The following PLXNA4 variants were observed in gnomAD, a reference collection of about 807,000 sequenced individuals.
The protein encoded by PLXNA4 is plexin-A4.
In PLXNA4, 44 loss-of-function variants were observed where a neutral mutation model predicts 191.8. That is an observed-to-expected ratio of 0.23 (90% CI 0.18 to 0.29). The LOEUF (loss-of-function observed/expected upper bound fraction) is 0.29, where lower values mean the gene tolerates loss of function less well. Among genes scored for constraint, PLXNA4 ranks in the 10% least tolerant of loss-of-function variants. The pLI is 1.00. For synonymous variants in PLXNA4, 1,082 were observed against 1,009.5 expected, an observed-to-expected ratio of 1.07 and a Z score of -1.36; for missense variants, 1,800 against 2,488.8, an observed-to-expected ratio of 0.72 and a Z score of 5.89.
Position 132,352,313 on chromosome 7 carries a change from G to A in PLXNA4, c.1372-54091C>T, listed in dbSNP as rs1052636472. ...GCCCATCCCTGACTGGCCAGCTTCC[G>A]GTACTCGGTGGCTGTAGGAGGTGCA... On this transcript the variant is annotated intron_variant, in intron 3 of 31. Coordinates refer to ENST00000321063, the MANE Select transcript of PLXNA4 (RefSeq NM_020911.2). 9 of 152,404 alleles carry A rather than the reference G, an allele frequency of 5.9e-5. No individual in the cohort carries two copies. The South Asian group carries it at 6.2e-4, about 11-fold the overall frequency. The allele number at this position is 152,404 out of a possible 1,614,324, so 9.4% of individuals were successfully genotyped here. A position where few individuals can be genotyped will look rare whatever the true frequency, so the allele number is the denominator to read the frequency against.
chr7:132,646,994 C>A (rs1276182927), intron 1 of PLXNA4, among the ~76,000 whole-genome samples: 1 of 152,022 alleles, frequency 6.6e-6, no homozygotes, highest in South Asian at 2.1e-4. Flanking sequence ...CTATCATATA[C>A]ACACATACAC....
At chr7:132,178,054 A>G (rs924800931) in intron 20 of PLXNA4, among the ~76,000 whole-genome samples, 2 of 152,148 alleles carry the variant, frequency 1.3e-5, no homozygotes, top group Middle Eastern at 3.2e-3. Flanking sequence ...TCTGACTCCT[A>G]AATTTCCTTC....
At chr7:132,362,212 A>G (rs534988675) in intron 3 of PLXNA4, among the ~76,000 whole-genome samples, 1 of 152,310 alleles carries the variant, frequency 6.6e-6, no homozygotes, top group Non-Finnish European at 1.5e-5. Context: ...CCTCCAGTTC[A>G]TACTTCCGTC....
intron 1 of PLXNA4, among the ~76,000 whole-genome samples, chr7:132,534,565 G>T (rs56031339): frequency 0.51 from 76,873 of 151,906 alleles, 19,888 homozygotes; most frequent in Non-Finnish European, 0.53. Context: ...GCGGAATGGG[G>T]TGAGGAGGCA....
chr7:132,410,061 T>C (rs1794387403), intron 3 of PLXNA4, among the ~76,000 whole-genome samples: 1 of 152,202 alleles, frequency 6.6e-6, no homozygotes, highest in South Asian at 2.1e-4. Context: ...ATAACCACGA[T>C]GGCTGAAATG....
intron 3 of PLXNA4, among the ~76,000 whole-genome samples, chr7:132,388,351 A>G (rs993469797): frequency 1.3e-5 from 2 of 152,060 alleles, no homozygotes; most frequent in African/African-American, 4.8e-5. Flanking sequence ...GAGGACCCCC[A>G]ATGTTAAGTA....
At chr7:132,230,330 C>T (rs942781709) in intron 5 of PLXNA4, among the ~76,000 whole-genome samples, 3 of 152,208 alleles carry the variant, frequency 2.0e-5, no homozygotes, top group African/African-American at 4.8e-5. Context: ...TGGTTCTTCT[C>T]GCCATCCTGA....
chr7:132,518,401 C>T (rs1192560895), intron 1 of PLXNA4, among the ~76,000 whole-genome samples: 3 of 152,208 alleles, frequency 2.0e-5, no homozygotes, highest in East Asian at 1.9e-4. Flanking sequence ...AGCCACAACA[C>T]AGCCTTAGTC....
chr7:132,562,720 TTTC>T (rs1801282126), intron 1 of PLXNA4, among the ~76,000 whole-genome samples: 1 of 60,768 alleles, frequency 1.6e-5, no homozygotes, highest in East Asian at 6.1e-4. Flanking sequence ...TCCTCCTCCT[TTTC>T]CTCGTCCTCC....
intron 21 of PLXNA4, 29 bp from the exon 22 acceptor site, chr7:132,168,601 C>T: frequency 1.9e-6 from 3 of 1,539,794 alleles, no homozygotes; most frequent in Non-Finnish European, 2.6e-6. Flanking sequence ...GTCGTGATGC[C>T]ATTGGCAGGT....
At chr7:132,323,003 G>A (rs1292684789) in intron 3 of PLXNA4, among the ~76,000 whole-genome samples, 1 of 152,188 alleles carries the variant, frequency 6.6e-6, no homozygotes, top group African/African-American at 2.4e-5. Context: ...GAGGGGTGGT[G>A]CACATTTGTA....
At chr7:132,228,958 C>A (rs968763935) in intron 5 of PLXNA4, among the ~76,000 whole-genome samples, 1 of 152,196 alleles carries the variant, frequency 6.6e-6, no homozygotes, top group African/African-American at 2.4e-5. Context: ...CCTGCAATCT[C>A]TCCTGCCCAC....
At chr7:132,281,882 T>C (rs1333992220) in intron 4 of PLXNA4, among the ~76,000 whole-genome samples, 4 of 152,224 alleles carry the variant, frequency 2.6e-5, no homozygotes, top group African/African-American at 7.2e-5. Flanking sequence ...TTGTACATCA[T>C]TGCAAAGTAT....
chr7:132,179,965 G>A lies in PLXNA4; in HGVS notation c.3640-44C>T, dbSNP rs760235021. ...AGAGGGAGCTGGGTGTGGGGACGCA[G>A]CAGCTTTGGCAACAGTCCCAAGTTA... On this transcript the variant is annotated intron_variant, in intron 19 of 31. Coordinates refer to ENST00000321063, the MANE Select transcript of PLXNA4 (RefSeq NM_020911.2). The A allele has an allele frequency of 3.0e-5, 46 of 1,550,994 alleles. No individual in the cohort carries two copies. In the South Asian group the frequency reaches 5.2e-4, roughly 17 times the overall value.
In PLXNA4 at chr7:132,384,289, C is replaced by T. The variant is rs554475373; in HGVS notation, c.1372-86067G>A. The T allele has an allele frequency of 4.1e-5, 40 of 985,468 alleles. 1 individual carries two copies. In the East Asian group the frequency reaches 3.1e-3, roughly 75 times the overall value. 61.0% of individuals were successfully genotyped at this position (985,468 alleles called of 1,614,324 possible). ...ACTTGTTTTCAAGTAACCAGATTAG[C>T]ACCAGTCGCTAATTTTACATCTTGC... is the stretch of plus-strand genomic sequence containing the variant. On this transcript the variant is annotated intron_variant, in intron 3 of 31. Transcript: ENST00000321063.
intron 4 of PLXNA4, among the ~76,000 whole-genome samples, chr7:132,252,536 C>G (rs1799291599): frequency 6.6e-6 from 1 of 151,988 alleles, no homozygotes; most frequent in African/African-American, 2.4e-5. Flanking sequence ...CTTCTGACCT[C>G]GTGATCCACC....
chr7:132,231,281 A>G (rs1237780702), intron 5 of PLXNA4, among the ~76,000 whole-genome samples: 2 of 152,218 alleles, frequency 1.3e-5, no homozygotes, highest in Non-Finnish European at 2.9e-5. Context: ...AGGACAGGAC[A>G]TAGCTCATAG....
At chr7:132,308,978 A>C (rs1263795555) in intron 3 of PLXNA4, among the ~76,000 whole-genome samples, 1 of 152,116 alleles carries the variant, frequency 6.6e-6, no homozygotes, top group Non-Finnish European at 1.5e-5. Context: ...AGTTCACCTA[A>C]GGGCAGGAGA....
intron 1 of PLXNA4, among the ~76,000 whole-genome samples, chr7:132,555,958 C>G (rs1285921293): frequency 6.6e-6 from 1 of 152,246 alleles, no homozygotes; most frequent in East Asian, 1.9e-4. Context: ...ATCCAGGCAT[C>G]TCTGCCCTTT....
Sources: allele counts gnomAD v4.1 joint callset (sites outside exome capture counted in the v4.1 genomes callset), GRCh38; gene constraint gnomAD v4.1.1; transcripts MANE v1.5; gene names NCBI Gene and HGNC (gene_info 2026-07-23, HGNC 2026-07-21).